The following SS18L2 variants were observed in gnomAD, a reference collection of about 807,000 sequenced individuals.
SS18L2 encodes SS18 like 2.
In SS18L2, 8 loss-of-function variants were observed where a neutral mutation model predicts 10.3. The ratio of observed to expected loss-of-function variants is 0.78; its 90% CI spans 0.46 to 1.41. SS18L2 has a LOEUF of 1.41. SS18L2 is among the 40% of genes most tolerant of loss of function. The probability of loss-of-function intolerance (pLI) is 0.00; values close to 1 mark genes in which losing one functional copy is unlikely to be tolerated. For missense variants in SS18L2, 100 were observed against 96.2 expected, an observed-to-expected ratio of 1.04 and a Z score of -0.17; for synonymous variants, 41 against 34.6, an observed-to-expected ratio of 1.19 and a Z score of -0.65.
Position 42,594,694 on chromosome 3 carries a change from A to C in SS18L2, c.*185A>C. 8 of 473,926 alleles carry C rather than the reference A, an allele frequency of 1.7e-5. No homozygotes were observed. Among genetic ancestry groups the C allele is most frequent in the Non-Finnish European group, 2.2e-5 (6 of 267,644 alleles). 29.4% of individuals were successfully genotyped at this position (473,926 alleles called of 1,614,324 possible). ...AAGCTACTAACTTAGCTGTATTCTC[A>C]TGTAAATATTTTTTAAATAATTAAG... On this transcript the variant is annotated 3_prime_UTR_variant, in exon 3 of 3. Coordinates refer to ENST00000011691, the MANE Select transcript of SS18L2 (RefSeq NM_001370300.1).
intron 2 of SS18L2, 58 bp downstream of exon 2, chr3:42,591,659 G>T: frequency 8.5e-7 from 1 of 1,179,324 alleles, no homozygotes. Context: ...CCTGTGTGAT[G>T]CGGTGCTTTC....
Position 42,594,542 on chromosome 3 carries a change from G to A in SS18L2, c.*33G>A. The A allele has an allele frequency of 1.9e-6, 3 of 1,582,564 alleles. No individual in the cohort carries two copies. Among genetic ancestry groups the A allele is most frequent in the Non-Finnish European group, 1.7e-6 (2 of 1,152,484 alleles). On this transcript the variant is annotated 3_prime_UTR_variant, in exon 3 of 3. Coordinates refer to ENST00000011691, the MANE Select transcript of SS18L2 (RefSeq NM_001370300.1). ...AAAGCAATAGAATAATCTTCCATTT[G>A]GCTGTCGTGAGGAGTAATTGAATGT...
In SS18L2 at chr3:42,582,364, G is replaced by C. The variant is rs192913018; in HGVS notation, c.-90+406G>C. 77 of 152,526 alleles carry C rather than the reference G, an allele frequency of 5.0e-4. 3 individuals are homozygous for C. Among genetic ancestry groups the C allele is most frequent in the Admixed American group, 5.0e-3 (77 of 15,304 alleles). The allele number at this position is 152,526 out of a possible 1,614,324, so 9.4% of individuals were successfully genotyped here. On this transcript the variant is annotated intron_variant, in intron 1 of 3. Transcript: ENST00000447630. ...GGGCGTATGTTCTGCGGTCCGCGCG[G>C]CTGGGCGGGAGGCCCGAGATAGGCA... is the stretch of plus-strand genomic sequence containing the variant.
upstream of SS18L2, among the ~76,000 whole-genome samples, chr3:42,589,718 G>A (rs542432130): frequency 5.3e-5 from 8 of 152,326 alleles, no homozygotes; most frequent in African/African-American, 1.9e-4. Flanking sequence ...AATGCCTGCT[G>A]ATGTGAGGTA....
chr3:42,596,437 G>A lies in SS18L2; in HGVS notation c.*1928G>A, dbSNP rs1338536253. On this transcript the variant is annotated 3_prime_UTR_variant, in exon 3 of 3. Coordinates refer to ENST00000011691, the MANE Select transcript of SS18L2 (RefSeq NM_001370300.1). ...TTGCTGGCATAATCACACTCTAAAAGGCTGAACCCCAGAATCATTACCTGA... is the reference window on the plus strand; with the variant it reads ...TTGCTGGCATAATCACACTCTAAAAAGCTGAACCCCAGAATCATTACCTGA... 6.6e-6 allele frequency among the ~76,000 whole-genome samples: 1 copy of A among 152,198 alleles called. No homozygotes were observed. Among genetic ancestry groups the A allele is most frequent in the African/African-American group, 2.4e-5 (1 of 41,450 alleles).
At position 42,596,832 on chromosome 3, in the gene SS18L2, CAGAA is replaced by C. The variant is rs1256562980; in HGVS notation, c.*2328_*2331del. Among the ~76,000 whole-genome samples the C allele has an allele frequency of 2.0e-5, 3 of 152,096 alleles. No homozygotes were observed. The highest frequency in any genetic ancestry group is 7.2e-5 in the African/African-American group (3 of 41,432). On this transcript the variant is annotated 3_prime_UTR_variant, in exon 3 of 3. Transcript: ENST00000011691. Reference sequence around the variant, plus strand: ...TTGTCTCAGGTCACATAACCAGTGGCAGAAAGAAGAGAATTGCTGGAATGTCAAG... The same window carrying C: ...TTGTCTCAGGTCACATAACCAGTGGCAGAAGAGAATTGCTGGAATGTCAAG...
upstream of SS18L2, chr3:42,590,693 C>T (rs1435966916): frequency 2.1e-5 from 13 of 627,870 alleles, no homozygotes; most frequent in Non-Finnish European, 3.4e-5. Context: ...ACTGCGCAAG[C>T]GCAAAGGATA....
chr3:42,591,822 A>AT (rs1704858519), intron 2 of SS18L2, among the ~76,000 whole-genome samples: 1 of 152,176 alleles, frequency 6.6e-6, no homozygotes, highest in Non-Finnish European at 1.5e-5. Flanking sequence ...CAAAATGTGA[A>AT]TTATTCTCAC....
chr3:42,590,732 G>A (rs529108382), upstream of SS18L2: 24 of 755,506 alleles, frequency 3.2e-5, no homozygotes, highest in African/African-American at 4.1e-4. Flanking sequence ...TCTGGGGGCT[G>A]GGACCGAGGA....
rs776673813 is a variant in SS18L2, at chr3:42,591,541, A to G, written c.86A>G (p.Asp29Gly). The change falls in exon 2 of 3, where the codon GAC (aspartate) becomes GGC (glycine). Residue 29 changes from aspartate to glycine, a missense_variant. Physicochemically the swap from Asp to Gly is moderately conservative, Grantham distance 94. Transcript: ENST00000011691. Reference sequence around the variant, plus strand: ...ATCTTTCAGCTCCTTGAGGAGAATGACCAGCTGATCCGCTGTATTGTGGAG... The same window carrying G: ...ATCTTTCAGCTCCTTGAGGAGAATGGCCAGCTGATCCGCTGTATTGTGGAG... ...ETIQRLLEEN[D>G]QLIRCIVEYQ... is the part of the protein sequence containing the mutation. 4.8e-5 allele frequency: 78 copies of G among 1,613,740 alleles called. No homozygotes were observed. Among genetic ancestry groups the G allele is most frequent in the Non-Finnish European group, 6.4e-5 (75 of 1,179,800 alleles).
At chr3:42,591,071 T>G in intron 1 of SS18L2, 105 bp downstream of exon 1, 1 of 1,280,560 alleles carries the variant, frequency 7.8e-7, no homozygotes, top group South Asian at 1.3e-5. Flanking sequence ...CAGCTGACTG[T>G]GAAGGGTGCT....
At chr3:42,584,760 A>C (rs139485027) in intron 1 of SS18L2, among the ~76,000 whole-genome samples, 58 of 152,328 alleles carry the variant, frequency 3.8e-4, no homozygotes, top group Middle Eastern at 3.4e-3. Context: ...AGGTCATAAC[A>C]GGCACAAAGA....
upstream of SS18L2, among the ~76,000 whole-genome samples, chr3:42,589,690 C>T (rs1033102101): frequency 6.6e-6 from 1 of 152,074 alleles, no homozygotes. Context: ...CTAGGTTGCG[C>T]GCTCCTAATG....
intron 1 of SS18L2, among the ~76,000 whole-genome samples, chr3:42,584,942 C>G (rs1462982551): frequency 6.6e-6 from 1 of 152,108 alleles, no homozygotes; most frequent in Non-Finnish European, 1.5e-5. Flanking sequence ...GCCTGTCCAA[C>G]ATGGCAAAAC....
chr3:42,592,808 TTGCACAGGCCA>T (rs1254288442), intron 2 of SS18L2, among the ~76,000 whole-genome samples: 1 of 152,206 alleles, frequency 6.6e-6, no homozygotes, highest in African/African-American at 2.4e-5. Flanking sequence ...GGTTTTTCAA[TTGCACAGGCCA>T]TGCTTTCTGA....
chr3:42,584,058 T>C (rs966545949), intron 1 of SS18L2, among the ~76,000 whole-genome samples: 1 of 152,156 alleles, frequency 6.6e-6, no homozygotes, highest in Admixed American at 6.5e-5. Flanking sequence ...GATGGTCTAT[T>C]GTGGGACTTC....
upstream of SS18L2, among the ~76,000 whole-genome samples, chr3:42,586,537 C>G (rs773238736): frequency 5.3e-5 from 8 of 150,644 alleles, no homozygotes; most frequent in Non-Finnish European, 8.8e-5. Context: ...CTTGACCTTT[C>G]AACAGCATTT....
intron 2 of SS18L2, among the ~76,000 whole-genome samples, chr3:42,594,168 G>A (rs1704957578): frequency 1.3e-5 from 2 of 152,256 alleles, no homozygotes; most frequent in South Asian, 4.1e-4. Flanking sequence ...GGTGCGCAAA[G>A]ATAGATCTGG....
chr3:42,589,163 G>A (rs1704722176), upstream of SS18L2, among the ~76,000 whole-genome samples: 1 of 151,946 alleles, frequency 6.6e-6, no homozygotes, highest in African/African-American at 2.4e-5. Context: ...CAGCTACTCA[G>A]CAGGCTGAGG....
Sources: allele counts gnomAD v4.1 joint callset (sites outside exome capture counted in the v4.1 genomes callset), GRCh38; gene constraint gnomAD v4.1.1; transcripts MANE v1.5; gene names NCBI Gene and HGNC (gene_info 2026-07-23, HGNC 2026-07-21).